NR2C2: variants seen among roughly 807,000 people sequenced by gnomAD.
NR2C2 encodes the protein nuclear receptor subfamily 2 group C member 2, also known as Nuclear hormone receptor TR4.
NR2C2 carries 6 observed loss-of-function variants against 62.9 expected under a neutral mutation model. The ratio of observed to expected loss-of-function variants is 0.10; its 90% CI spans 0.05 to 0.19. The LOEUF (loss-of-function observed/expected upper bound fraction) is 0.19, where lower values mean the gene tolerates loss of function less well. NR2C2 is among the 10% of genes least tolerant of loss of function. NR2C2 has a pLI of 1.00. For synonymous variants in NR2C2, 272 were observed against 273.8 expected, an observed-to-expected ratio of 0.99 and a Z score of 0.07; for missense variants, 479 against 762.7, an observed-to-expected ratio of 0.63 and a Z score of 4.38.
At chr3:14,974,526 G>A (rs929161072) in intron 1 of NR2C2, among the ~76,000 whole-genome samples, 2 of 151,070 alleles carry the variant, frequency 1.3e-5, no homozygotes, top group Non-Finnish European at 3.0e-5. Flanking sequence ...AACACAGGAT[G>A]TTTTTCCACT....
At position 15,003,867 on chromosome 3, in the gene NR2C2, C is replaced by T; in HGVS notation, c.-39-9C>T. The stretch of plus-strand genomic sequence containing the variant: ...CCCCCTTGTGATCCAGCCCACTTCT[C>T]ACCCACAGGTAACACGTACACAGAC... On this transcript the variant is annotated splice_polypyrimidine_tract_variant and intron_variant, in intron 1 of 13. Coordinates refer to ENST00000425241, the MANE Select transcript of NR2C2 (RefSeq NM_001291694.2). 2.5e-6 allele frequency: 4 copies of T among 1,586,274 alleles called. No individual in the cohort carries two copies. Among genetic ancestry groups the T allele is most frequent in the Admixed American group, 1.7e-5 (1 of 59,970 alleles).
intron 13 of NR2C2, among the ~76,000 whole-genome samples, chr3:15,039,470 G>A (rs1165653312): frequency 6.6e-6 from 1 of 152,176 alleles, no homozygotes; most frequent in Admixed American, 6.5e-5. Context: ...CCAGGACTGT[G>A]GCTGATTCCA....
intron 1 of NR2C2, among the ~76,000 whole-genome samples, chr3:14,972,420 C>G (rs2125296005): frequency 6.6e-6 from 1 of 152,176 alleles, no homozygotes; most frequent in Non-Finnish European, 1.5e-5. Context: ...AGTGATCCAC[C>G]TGGCTGGGGC....
At position 15,020,971 on chromosome 3, in the gene NR2C2, G is replaced by T. The variant is rs775137832; in HGVS notation, c.556+39G>T. 5 of 1,580,984 alleles carry T rather than the reference G, an allele frequency of 3.2e-6. No homozygotes were observed. The African/African-American group carries it at 6.8e-5, about 21-fold the overall frequency. ...TTTAAAAACCACATGAGTTAATGTG[G>T]AGGGAGACAGTAAATGAGTCCATTA... On this transcript the variant is annotated intron_variant, in intron 5 of 13. Transcript: ENST00000425241.
chr3:15,012,489 G>A (rs1388154893), intron 2 of NR2C2, among the ~76,000 whole-genome samples: 1 of 152,154 alleles, frequency 6.6e-6, no homozygotes, highest in Non-Finnish European at 1.5e-5. Flanking sequence ...GCCTCCCAGA[G>A]TGTTGGGATT....
At chr3:14,960,108 A>C (rs1345591830) in intron 1 of NR2C2, among the ~76,000 whole-genome samples, 2 of 152,220 alleles carry the variant, frequency 1.3e-5, no homozygotes, top group African/African-American at 4.8e-5. Flanking sequence ...TTCTAAGAAA[A>C]TATTTACAGT....
chr3:15,025,282 C>A (rs1265605030), intron 7 of NR2C2, among the ~76,000 whole-genome samples: 2 of 152,250 alleles, frequency 1.3e-5, no homozygotes, highest in Non-Finnish European at 2.9e-5. Context: ...GAATGAGAAC[C>A]AAGACTCCAG....
rs374860843 is a variant in NR2C2 at position 14,988,066 on chromosome 3, A to G, written c.-39-15810A>G. On this transcript the variant is annotated intron_variant, in intron 1 of 13. Coordinates refer to ENST00000425241, the MANE Select transcript of NR2C2 (RefSeq NM_001291694.2). ...TTAATAGTATATTCATGTGAGGATG[A>G]AAAGATGCACAGATGGACAGACAGA... 1.2e-4 allele frequency among the ~76,000 whole-genome samples: 19 copies of G among 152,372 alleles called. No individual in the cohort carries two copies. The East Asian group carries it at 1.7e-3, about 14-fold the overall frequency.
At chr3:15,005,189 A>G (rs1366224072) in intron 2 of NR2C2, among the ~76,000 whole-genome samples, 1 of 150,672 alleles carries the variant, frequency 6.6e-6, no homozygotes, top group South Asian at 2.1e-4. Context: ...ATGTTTTGAC[A>G]TTTTTTCTTT....
At chr3:14,967,103 G>A (rs1171439575) in intron 1 of NR2C2, among the ~76,000 whole-genome samples, 2 of 152,022 alleles carry the variant, frequency 1.3e-5, no homozygotes, top group African/African-American at 4.8e-5. Context: ...GTCTTTTTGG[G>A]ACTTTGTTCA....
chr3:14,963,643 T>G (rs2039752670), intron 1 of NR2C2, among the ~76,000 whole-genome samples: 1 of 152,092 alleles, frequency 6.6e-6, no homozygotes, highest in Admixed American at 6.5e-5. Flanking sequence ...GCTAATTTTT[T>G]GTATTTTTAG....
chr3:15,028,456 G>T (rs779815099), intron 7 of NR2C2, 130 bp from the exon 8 acceptor site: 2 of 720,378 alleles, frequency 2.8e-6, no homozygotes, highest in South Asian at 4.1e-5. Flanking sequence ...GATCTTCCTC[G>T]TGTTGCCCCT....
intron 11 of NR2C2, among the ~76,000 whole-genome samples, 182 bp downstream of exon 11, chr3:15,034,991 G>A (rs1275253358): frequency 2.0e-5 from 3 of 152,230 alleles, no homozygotes; most frequent in East Asian, 1.9e-4. Flanking sequence ...AAGTTTGACT[G>A]TTAAGGTATG....
chr3:14,972,985 C>G (rs71308117), intron 1 of NR2C2, among the ~76,000 whole-genome samples: 2 of 152,170 alleles, frequency 1.3e-5, no homozygotes, highest in Non-Finnish European at 2.9e-5. Context: ...ACCTCCAGCA[C>G]TGGGGATTAC....
At chr3:15,037,842 A>G (rs1250771169) in intron 11 of NR2C2, among the ~76,000 whole-genome samples, 158 bp from the exon 12 acceptor site, 1 of 152,202 alleles carries the variant, frequency 6.6e-6, no homozygotes. Context: ...TTGTCACTTC[A>G]TCTGCAGCTG....
intron 1 of NR2C2, chr3:14,948,338 C>G (rs2039206856): frequency 6.6e-6 from 1 of 152,290 alleles, no homozygotes; most frequent in Admixed American, 6.5e-5. Flanking sequence ...CCTTTGGCGG[C>G]CGTCGCAGCC....
chr3:14,974,423 A>G (rs2040141684), intron 1 of NR2C2, among the ~76,000 whole-genome samples: 1 of 152,206 alleles, frequency 6.6e-6, no homozygotes, highest in Non-Finnish European at 1.5e-5. Flanking sequence ...TCTGTAAAAT[A>G]CATCATTGGG....
chr3:15,013,914 G>A, intron 3 of NR2C2, 125 bp downstream of exon 3: 1 of 981,128 alleles, frequency 1.0e-6, no homozygotes, highest in Non-Finnish European at 1.6e-6. Flanking sequence ...CTGCAAACAT[G>A]GCAGGTTGCT....
chr3:15,046,033 GAA>G lies in NR2C2; in HGVS notation c.*3027_*3028del, dbSNP rs1170751175. ...AAAACAGGACAGGAAGAGATTTTTT[GAA>G]AGACCAAATTAGTTGAGCAAGTAAT... On this transcript the variant is annotated 3_prime_UTR_variant, in exon 14 of 14. Transcript: ENST00000425241. The G allele has an allele frequency of 6.6e-6, 1 of 152,204 alleles. No homozygotes were observed. The highest frequency in any genetic ancestry group is 1.9e-4 in the East Asian group (1 of 5,202). 9.4% of individuals were successfully genotyped at this position (152,204 alleles called of 1,614,324 possible).
Sources: gnomAD v4.1 joint callset for allele counts (sites outside exome capture counted in the v4.1 genomes callset) on GRCh38, gnomAD v4.1.1 for gene constraint, MANE v1.5 for transcripts, NCBI Gene and HGNC (gene_info 2026-07-23, HGNC 2026-07-21) for gene names.